Variants in RPN1 observed in about 807,000 individuals in gnomAD.
RPN1 encodes dolichyl-diphosphooligosaccharide--protein glycosyltransferase subunit 1.
A neutral mutation model predicts 55.5 loss-of-function variants in RPN1; 12 were observed. The ratio of observed to expected loss-of-function variants is 0.22; its 90% confidence interval spans 0.14 to 0.35. The LOEUF (loss-of-function observed/expected upper bound fraction) is 0.35, where lower values mean the gene tolerates loss of function less well. Among genes scored for constraint, RPN1 ranks in the 10% least tolerant of loss-of-function variants. The pLI is 1.00. For synonymous variants in RPN1, 317 were observed against 305.9 expected (o/e 1.04, Z -0.38); for missense variants, 679 against 761.3 (o/e 0.89, Z 1.27).
At chr3:128,641,863 G>C (rs1261849314) in intron 2 of RPN1, among the ~76,000 whole-genome samples, 1 of 151,868 alleles carries the variant, frequency 6.6e-6, no homozygotes, top group South Asian at 2.1e-4. Context: ...TGCCTGCCTC[G>C]GCCTCCCAAA....
chr3:128,626,187 G>A (rs1429144299), intron 6 of RPN1, among the ~76,000 whole-genome samples, 175 bp from the exon 7 acceptor site: 1 of 152,198 alleles, frequency 6.6e-6, no homozygotes, highest in East Asian at 1.9e-4. Context: ...AGGGGAGCCA[G>A]TGCCAGAAAG....
At position 128,624,085 on chromosome 3, in the gene RPN1, A is replaced by G. The variant is rs139193990; in HGVS notation, c.1395+1449T>C. On this transcript the variant is annotated intron_variant, in intron 8 of 9. Coordinates refer to ENST00000296255, the MANE Select transcript of RPN1 (RefSeq NM_002950.4). ...CTATCTGCACATACTCAAGTCCTGT[A>G]GTCAGCCCTGTGAAACCCAAGTATA... Among the ~76,000 whole-genome samples the G allele has an allele frequency of 2.4e-4, 37 of 152,082 alleles. No homozygotes were observed. In the East Asian group the frequency reaches 7.2e-3, roughly 29 times the overall value.
chr3:128,643,320 TC>T (rs2069741804), intron 2 of RPN1, among the ~76,000 whole-genome samples: 1 of 139,372 alleles, frequency 7.2e-6, no homozygotes, highest in African/African-American at 2.7e-5. Flanking sequence ...AGACCAAGAC[TC>T]CATCTCCAAA....
Position 128,650,687 on chromosome 3 carries a change from G to A in RPN1, c.114C>T (p.Arg38=), listed in dbSNP as rs898318568. Residue 38 remains arginine, a synonymous_variant, in exon 1 of 10, where the codon CGC becomes CGT. Coordinates refer to ENST00000296255, the MANE Select transcript of RPN1 (RefSeq NM_002950.4). ...APPLINEDVK[R]TVDLSSHLAK... ...CCAGGTGGCTGCTTAGGTCCACTGTGCGCTTCACGTCCTCATTGATCAGCG... is the reference window on the plus strand; with the variant it reads ...CCAGGTGGCTGCTTAGGTCCACTGTACGCTTCACGTCCTCATTGATCAGCG... 6 of 1,572,534 alleles carry A rather than the reference G, an allele frequency of 3.8e-6. No individual in the cohort carries two copies. The African/African-American group carries it at 4.0e-5, about 11-fold the overall frequency.
At chr3:128,626,462 TCTC>T (rs2069600927) in intron 6 of RPN1, among the ~76,000 whole-genome samples, 1 of 152,170 alleles carries the variant, frequency 6.6e-6, no homozygotes, top group South Asian at 2.1e-4. Flanking sequence ...CACTGTCCCT[TCTC>T]CTGGTAAACA....
At chr3:128,650,426 C>T in intron 1 of RPN1, 114 bp downstream of exon 1, 1 of 1,132,410 alleles carries the variant, frequency 8.8e-7, no homozygotes, top group Non-Finnish European at 1.2e-6. Context: ...CCGCCCGCCG[C>T]CCGGGTCTCC....
chr3:128,633,888 T>C (rs1476005652), intron 3 of RPN1, among the ~76,000 whole-genome samples: 1 of 151,556 alleles, frequency 6.6e-6, no homozygotes, highest in Non-Finnish European at 1.5e-5. Flanking sequence ...GAGGCTGAGG[T>C]AGGAGAATCG....
chr3:128,620,771 T>C (rs2069552994), intron 9 of RPN1, among the ~76,000 whole-genome samples, 178 bp from the exon 10 acceptor site: 1 of 152,196 alleles, frequency 6.6e-6, no homozygotes, highest in African/African-American at 2.4e-5. Flanking sequence ...AGGCCTGGCT[T>C]CAAATGCCAA....
chr3:128,643,445 CCT>C (rs1171103912), intron 2 of RPN1, among the ~76,000 whole-genome samples: 1 of 152,020 alleles, frequency 6.6e-6, no homozygotes. Context: ...AGGCAGATCA[CCT>C]GAAGTCAGAA....
At chr3:128,636,135 A>G (rs1343280831) in intron 3 of RPN1, among the ~76,000 whole-genome samples, 1 of 152,206 alleles carries the variant, frequency 6.6e-6, no homozygotes, top group African/African-American at 2.4e-5. Flanking sequence ...CAAAACGAAC[A>G]GCCCTAACTA....
chr3:128,626,906 G>C, intron 5 of RPN1, 74 bp from the exon 6 acceptor site: 1 of 1,366,202 alleles, frequency 7.3e-7, no homozygotes, highest in Non-Finnish European at 1.0e-6. Context: ...AAGTACAGGG[G>C]CTCACATAAA....
intron 3 of RPN1, among the ~76,000 whole-genome samples, chr3:128,635,690 TACACACAC>T (rs71153135): frequency 3.6e-5 from 5 of 138,276 alleles, no homozygotes; most frequent in African/African-American, 8.2e-5. Flanking sequence ...TCTATAGATA[TACACACAC>T]ACACACACAC....
intron 8 of RPN1, 37 bp downstream of exon 8, chr3:128,625,496 GA>G (rs1167173123): frequency 6.2e-7 from 1 of 1,613,874 alleles, no homozygotes; most frequent in Non-Finnish European, 8.5e-7. Flanking sequence ...TATTACCAAG[GA>G]CACAAATGAC....
chr3:128,621,620 T>C (rs564350812), intron 9 of RPN1, among the ~76,000 whole-genome samples: 3 of 152,314 alleles, frequency 2.0e-5, no homozygotes, highest in East Asian at 1.9e-4. Context: ...AAGGTTACTG[T>C]CCTCATTTAC....
At chr3:128,635,672 T>G (rs1321474269) in intron 3 of RPN1, among the ~76,000 whole-genome samples, 22 of 116,590 alleles carry the variant, frequency 1.9e-4, no homozygotes, top group African/African-American at 6.6e-4. Flanking sequence ...TATAGATATC[T>G]ATAGATATCT....
intron 2 of RPN1, among the ~76,000 whole-genome samples, chr3:128,642,824 C>G (rs2069736173): frequency 6.7e-6 from 1 of 150,136 alleles, no homozygotes; most frequent in Non-Finnish European, 1.5e-5. Context: ...CGAGACCAGC[C>G]TGGCTAACAT....
At position 128,650,815 on chromosome 3, in the gene RPN1, G is replaced by C. The variant is rs1300239726; in HGVS notation, c.-15C>G. Reference sequence around the variant, plus strand: ...GGCGCCTCCATGACCGGGAAGAGCAGTGCGCCAGGGCGGGTAGGGCCCGGG... The same window carrying C: ...GGCGCCTCCATGACCGGGAAGAGCACTGCGCCAGGGCGGGTAGGGCCCGGG... On this transcript the variant is annotated 5_prime_UTR_variant, in exon 1 of 10. Transcript: ENST00000296255. 2 of 1,497,904 alleles carry C rather than the reference G, an allele frequency of 1.3e-6. No homozygotes were observed. Among genetic ancestry groups the C allele is most frequent in the Non-Finnish European group, 1.8e-6 (2 of 1,121,854 alleles). 92.8% of individuals were successfully genotyped at this position (1,497,904 alleles called of 1,614,324 possible). A position where few individuals can be genotyped will look rare whatever the true frequency, so the allele number is the denominator to read the frequency against.
rs2069547853 is a variant in RPN1, at chr3:128,620,188, G to A, written c.*223C>T. 5.4e-6 allele frequency: 2 copies of A among 373,208 alleles called. No individual in the cohort carries two copies. Among genetic ancestry groups the A allele is most frequent in the South Asian group, 2.2e-4 (2 of 9,058 alleles). The allele number at this position is 373,208 out of a possible 1,614,324, so 23.1% of individuals were successfully genotyped here. ...CACAAAGATGTTTTGTTTTTAATGG[G>A]AGTTTTTTTAAAGTTTTCTTTTTTT... is the stretch of plus-strand genomic sequence containing the variant. On this transcript the variant is annotated 3_prime_UTR_variant, in exon 10 of 10. Transcript: ENST00000296255.
At chr3:128,629,562 A>C (rs1028604713) in intron 5 of RPN1, among the ~76,000 whole-genome samples, 6 of 152,092 alleles carry the variant, frequency 3.9e-5, no homozygotes, top group African/African-American at 1.4e-4. Flanking sequence ...ATTCCGTCTC[A>C]AAAAAAAGAA....
Sources: allele counts gnomAD v4.1 joint callset (sites outside exome capture counted in the v4.1 genomes callset), GRCh38; gene constraint gnomAD v4.1.1; transcripts MANE v1.5; gene names NCBI Gene and HGNC (gene_info 2026-07-23, HGNC 2026-07-21).